L3MBTL4: variants seen among roughly 807,000 people sequenced by gnomAD.
L3MBTL4 encodes L3MBTL histone methyl-lysine binding protein 4.
A neutral mutation model predicts 84.5 loss-of-function variants in L3MBTL4; 70 were observed. The observed-to-expected ratio is 0.83, with a 90% CI of 0.68 to 1.01. L3MBTL4 has a LOEUF of 1.01. Ranked by LOEUF, L3MBTL4 falls within the 50% of genes least tolerant of loss-of-function variation. L3MBTL4 has a pLI of 0.00. For synonymous variants in L3MBTL4, 274 were observed against 259.8 expected (o/e 1.05, Z -0.52); for missense variants, 715 against 754.8 (o/e 0.95, Z 0.62).
intron 16 of L3MBTL4, among the ~76,000 whole-genome samples, chr18:6,071,860 GAGGA>G (rs2057669144): frequency 6.7e-6 from 1 of 150,306 alleles, no homozygotes; most frequent in African/African-American, 2.4e-5. Context: ...GGGAGGGAGG[GAGGA>G]AGGAAGAAAG....
At chr18:6,070,832 T>G (rs1598634034) in intron 16 of L3MBTL4, among the ~76,000 whole-genome samples, 1 of 152,186 alleles carries the variant, frequency 6.6e-6, no homozygotes, top group Non-Finnish European at 1.5e-5. Flanking sequence ...AGTGAAACCC[T>G]GTCTAAAAAA....
At chr18:6,091,565 T>C (rs2058459071) in intron 15 of L3MBTL4, among the ~76,000 whole-genome samples, 1 of 152,204 alleles carries the variant, frequency 6.6e-6, no homozygotes, top group Non-Finnish European at 1.5e-5. Flanking sequence ...GTAGTAATTA[T>C]TCCTATTTGG....
chr18:6,230,321 G>C (rs1280745994), intron 10 of L3MBTL4, among the ~76,000 whole-genome samples: 8 of 152,140 alleles, frequency 5.3e-5, no homozygotes, highest in African/African-American at 1.9e-4. Flanking sequence ...TTGCAAGTGA[G>C]AACATGGGAT....
rs148489912 is a variant in L3MBTL4, at chr18:5,996,508, C to T, written c.1445-26946G>A. On this transcript the variant is annotated intron_variant, in intron 16 of 18. Transcript: ENST00000317931. Reference sequence around the variant, plus strand: ...AGAAACACCGATCTGGGCCAGACGCCGGGACCAGCATGCAGCACTCTAGCA... The same window carrying T: ...AGAAACACCGATCTGGGCCAGACGCTGGGACCAGCATGCAGCACTCTAGCA... Among the ~76,000 whole-genome samples, 676 of 152,216 alleles carry T rather than the reference C, an allele frequency of 4.4e-3. 7 individuals carry two copies. The highest frequency in any genetic ancestry group is 0.015 in the African/African-American group (641 of 41,524).
intron 12 of L3MBTL4, among the ~76,000 whole-genome samples, chr18:6,180,908 T>TGTG (rs1457533101): frequency 6.6e-6 from 1 of 152,220 alleles, no homozygotes; most frequent in Non-Finnish European, 1.5e-5. Context: ...TGAATGGGTA[T>TGTG]GTGGTATGTA....
At chr18:6,031,665 T>C in intron 16 of L3MBTL4, 1 of 981,376 alleles carries the variant, frequency 1.0e-6, no homozygotes. Context: ...GCTTCACAGG[T>C]CTCATCCTCC....
At chr18:6,058,640 C>T (rs2057104652) in intron 16 of L3MBTL4, among the ~76,000 whole-genome samples, 1 of 152,030 alleles carries the variant, frequency 6.6e-6, no homozygotes, top group Admixed American at 6.6e-5. Context: ...TTCCCTTTAG[C>T]ACTGCAATTA....
rs542751844 is a variant in L3MBTL4, at chr18:6,344,070, G to A, written c.-90-32014C>T. 1.4e-4 allele frequency among the ~76,000 whole-genome samples: 21 copies of A among 146,538 alleles called. 1 individual carries two copies. The South Asian group carries it at 3.5e-3, about 24-fold the overall frequency. ...GATTAGAACAAAAATAAATAAAATA[G>A]ACACTAGAAAAACAATTAAAAAGAC... is the stretch of plus-strand genomic sequence containing the variant. On this transcript the variant is annotated intron_variant, in intron 1 of 18. Coordinates refer to ENST00000317931, the MANE Select transcript of L3MBTL4 (RefSeq NM_001330559.2).
At chr18:6,162,178 T>C (rs141759970) in intron 13 of L3MBTL4, among the ~76,000 whole-genome samples, 363 of 152,270 alleles carry the variant, frequency 2.4e-3, no homozygotes, top group African/African-American at 8.3e-3. Flanking sequence ...TACTGTGATA[T>C]CTTTTGTAAA....
intron 16 of L3MBTL4, chr18:6,030,516 G>A (rs1470579841): frequency 1.3e-6 from 1 of 783,306 alleles, no homozygotes; most frequent in South Asian, 5.9e-5. Context: ...TTTTTTTTTT[G>A]GAGAAGGAGT....
intron 1 of L3MBTL4, among the ~76,000 whole-genome samples, chr18:6,318,493 G>GCAAAAAAAAA (rs1568484410): frequency 3.5e-4 from 1 of 2,842 alleles, no homozygotes; most frequent in Non-Finnish European, 6.6e-4. Flanking sequence ...AACAACAATA[G>GCAAAAAAAAA]TAAAAAAAAA....
chr18:5,960,045 CAT>C (rs59194551), intron 18 of L3MBTL4, 47 bp downstream of exon 18: 53,588 of 329,442 alleles, frequency 0.16, 7,668 homozygotes, highest in African/African-American at 0.5. Flanking sequence ...TATACACACA[CAT>C]ATATATATAT....
At chr18:6,127,585 T>A (rs1040688291) in intron 14 of L3MBTL4, among the ~76,000 whole-genome samples, 1 of 152,196 alleles carries the variant, frequency 6.6e-6, no homozygotes, top group Admixed American at 6.5e-5. Context: ...AATAAATCCT[T>A]TCTCTCTCTA....
rs929011303 is a variant in L3MBTL4 at position 6,414,510 on chromosome 18, G to C, written c.-91+291C>G. ...CCCGACCCTGCCCTCGCGGCTGACCGAGGCGCCGGGCTCTGCGGCGGCCGC... is the reference window on the plus strand; with the variant it reads ...CCCGACCCTGCCCTCGCGGCTGACCCAGGCGCCGGGCTCTGCGGCGGCCGC... On this transcript the variant is annotated intron_variant, in intron 1 of 18. Transcript: ENST00000317931. This position sits in a 1 kb window ranked among gnomAD's most constrained non-coding sequence, Gnocchi z 5.4. 8.6e-5 allele frequency among the ~76,000 whole-genome samples: 13 copies of C among 151,998 alleles called. No homozygotes were observed. The highest frequency in any genetic ancestry group is 1.6e-4 in the Non-Finnish European group (11 of 67,968).
intron 16 of L3MBTL4, among the ~76,000 whole-genome samples, chr18:6,006,604 C>G (rs760838952): frequency 1.3e-5 from 2 of 152,084 alleles, no homozygotes; most frequent in Non-Finnish European, 2.9e-5. Context: ...ACCCCATAAC[C>G]CAATGAGGGC....
At chr18:5,970,067 T>C (rs2052563411) in intron 16 of L3MBTL4, among the ~76,000 whole-genome samples, 1 of 152,238 alleles carries the variant, frequency 6.6e-6, no homozygotes, top group Non-Finnish European at 1.5e-5. Flanking sequence ...TGAGTGATAC[T>C]GAACATGACA....
At chr18:6,119,885 A>C (rs2059473167) in intron 14 of L3MBTL4, among the ~76,000 whole-genome samples, 1 of 152,232 alleles carries the variant, frequency 6.6e-6, no homozygotes, top group South Asian at 2.1e-4. Flanking sequence ...CTAAAAGCTA[A>C]GCATAAAGGA....
intron 1 of L3MBTL4, among the ~76,000 whole-genome samples, chr18:6,320,144 C>A (rs566303235): frequency 6.6e-6 from 1 of 151,850 alleles, no homozygotes; most frequent in African/African-American, 2.4e-5. Flanking sequence ...AGGGACACAC[C>A]TCAAAATAAC....
chr18:6,217,311 C>T (rs1290655413), intron 10 of L3MBTL4, among the ~76,000 whole-genome samples: 4 of 152,144 alleles, frequency 2.6e-5, no homozygotes, highest in Admixed American at 6.5e-5. Flanking sequence ...AAGAGAAATC[C>T]CTACCCTCGC....
Sources: allele counts gnomAD v4.1 joint callset (sites outside exome capture counted in the v4.1 genomes callset), GRCh38; gene constraint gnomAD v4.1.1; non-coding constraint Gnocchi (gnomAD v3.1); transcripts MANE v1.5; gene names NCBI Gene and HGNC (gene_info 2026-07-23, HGNC 2026-07-21).